Variants in ULK4 observed in about 807,000 individuals in gnomAD.
ULK4 encodes inactive serine/threonine-protein kinase ULK4.
A neutral mutation model predicts 160.6 loss-of-function variants in ULK4; 133 were observed. The ratio of observed to expected loss-of-function variants is 0.83; its 90% CI spans 0.72 to 0.96. ULK4 has a LOEUF of 0.96. Among genes scored for constraint, ULK4 ranks in the 40% least tolerant of loss-of-function variants. The pLI is 0.00. For synonymous variants in ULK4, 534 were observed against 539.8 expected (o/e 0.99, Z 0.15); for missense variants, 1,580 against 1,499.5 (o/e 1.05, Z -0.89).
intron 21 of ULK4, among the ~76,000 whole-genome samples, chr3:41,761,397 C>CTA (rs202103828): frequency 0.029 from 4,288 of 148,192 alleles, 200 homozygotes; most frequent in African/African-American, 0.1. Context: ...ATTATACATG[C>CTA]TATATATATA....
intron 27 of ULK4, among the ~76,000 whole-genome samples, chr3:41,700,046 A>G (rs752185823): frequency 2.0e-5 from 3 of 152,226 alleles, no homozygotes; most frequent in Non-Finnish European, 4.4e-5. Flanking sequence ...ATCTTATTTG[A>G]TGACTTGGAA....
At chr3:41,822,080 T>C (rs574114731) in intron 18 of ULK4, among the ~76,000 whole-genome samples, 1 of 152,196 alleles carries the variant, frequency 6.6e-6, no homozygotes, top group Non-Finnish European at 1.5e-5. Flanking sequence ...AGAATTATCT[T>C]TTTGGCATGC....
intron 27 of ULK4, among the ~76,000 whole-genome samples, chr3:41,704,177 C>T (rs1263647974): frequency 6.6e-6 from 1 of 152,098 alleles, no homozygotes; most frequent in Non-Finnish European, 1.5e-5. Flanking sequence ...TGTGGATGCC[C>T]ACATAATTTG....
intron 32 of ULK4, among the ~76,000 whole-genome samples, chr3:41,473,704 T>G (rs2084058646): frequency 6.9e-6 from 1 of 145,474 alleles, no homozygotes; most frequent in South Asian, 2.2e-4. Context: ...ATAAATACAG[T>G]TAAATTTAAC....
intron 32 of ULK4, among the ~76,000 whole-genome samples, chr3:41,517,026 TAAG>T (rs1357899347): frequency 6.6e-6 from 1 of 151,876 alleles, no homozygotes; most frequent in Non-Finnish European, 1.5e-5. Flanking sequence ...AGCTCAAAAA[TAAG>T]AAAACAAACC....
chr3:41,429,566 G>A (rs2082856225), intron 34 of ULK4, among the ~76,000 whole-genome samples: 1 of 152,146 alleles, frequency 6.6e-6, no homozygotes, highest in Non-Finnish European at 1.5e-5. Context: ...GCCATAAAAA[G>A]GAATGAGATC....
intron 35 of ULK4, among the ~76,000 whole-genome samples, chr3:41,376,445 C>A (rs1250636956): frequency 3.3e-5 from 5 of 150,220 alleles, no homozygotes; most frequent in Non-Finnish European, 1.5e-5. Flanking sequence ...TCCCTCTTTG[C>A]AGACGACATG....
At chr3:41,249,650 A>G in intron 35 of ULK4, 76 bp from the exon 36 acceptor site, 1 of 1,459,386 alleles carries the variant, frequency 6.9e-7, no homozygotes, top group Admixed American at 1.9e-5. Context: ...GGGCACCCTG[A>G]GTATCAGGCC....
At chr3:41,767,209 C>G (rs2039196067) in intron 21 of ULK4, among the ~76,000 whole-genome samples, 1 of 152,078 alleles carries the variant, frequency 6.6e-6, no homozygotes, top group Admixed American at 6.6e-5. Context: ...AAAGTTGAAG[C>G]ATGTTAATTT....
intron 16 of ULK4, among the ~76,000 whole-genome samples, chr3:41,893,198 A>G (rs1236729370): frequency 6.6e-6 from 1 of 152,240 alleles, no homozygotes; most frequent in Admixed American, 6.5e-5. Flanking sequence ...ATGATGAAAA[A>G]GTTTTGGAAA....
Position 41,246,659 on chromosome 3 carries a change from A to T in ULK4, c.*270T>A, listed in dbSNP as rs995481104. 9.1e-6 allele frequency: 4 copies of T among 438,024 alleles called. No individual in the cohort carries two copies. Among genetic ancestry groups the T allele is most frequent in the Non-Finnish European group, 1.7e-5 (4 of 239,464 alleles). The allele number at this position is 438,024 out of a possible 1,614,324, so 27.1% of individuals were successfully genotyped here. On this transcript the variant is annotated 3_prime_UTR_variant, in exon 37 of 37. Coordinates refer to ENST00000301831, the MANE Select transcript of ULK4 (RefSeq NM_017886.4). ...GTGCTAACCTTAGCCCACCTGGCCCACACAGAGAGGGAAAGAACATTTCTG... is the reference window on the plus strand; with the variant it reads ...GTGCTAACCTTAGCCCACCTGGCCCTCACAGAGAGGGAAAGAACATTTCTG...
Position 41,435,784 on chromosome 3 carries a change from C to T in ULK4, c.3492+19713G>A. ...CAACATAGTGAAACCCTATCTCTAC[C>T]AAAAATATAAAAATTAGCTGGGCAT... is the stretch of plus-strand genomic sequence containing the variant. On this transcript the variant is annotated intron_variant, in intron 34 of 36. Coordinates refer to ENST00000301831, the MANE Select transcript of ULK4 (RefSeq NM_017886.4). Among the ~76,000 whole-genome samples, 4 of 151,870 alleles carry T rather than the reference C, an allele frequency of 2.6e-5. No individual in the cohort carries two copies. In the East Asian group the frequency reaches 5.8e-4, roughly 22 times the overall value.
chr3:41,309,848 C>T (rs2080016052), intron 35 of ULK4, among the ~76,000 whole-genome samples: 1 of 149,986 alleles, frequency 6.7e-6, no homozygotes, highest in Non-Finnish European at 1.5e-5. Context: ...AAATAATAAG[C>T]AAATGAATTT....
Position 41,249,902 on chromosome 3 carries a change from G to A in ULK4, c.3679-328C>T, listed in dbSNP as rs548487116. ...TGGGAACCTGAACTTTCCAATTAAA[G>A]CAAAACTACTTTTTCTGTGCTGGGA... is the stretch of plus-strand genomic sequence containing the variant. On this transcript the variant is annotated intron_variant, in intron 35 of 36. Coordinates refer to ENST00000301831, the MANE Select transcript of ULK4 (RefSeq NM_017886.4). Among the ~76,000 whole-genome samples the A allele has an allele frequency of 2.6e-3, 403 of 152,288 alleles. 1 individual carries two copies. Among genetic ancestry groups the A allele is most frequent in the African/African-American group, 9.3e-3 (385 of 41,564 alleles).
At chr3:41,368,034 T>C (rs1455938268) in intron 35 of ULK4, among the ~76,000 whole-genome samples, 1 of 151,990 alleles carries the variant, frequency 6.6e-6, no homozygotes, top group Non-Finnish European at 1.5e-5. Context: ...TCACTATATA[T>C]TCCATTTTGT....
intron 18 of ULK4, among the ~76,000 whole-genome samples, chr3:41,831,613 G>A (rs2041593120): frequency 6.6e-6 from 1 of 151,512 alleles, no homozygotes; most frequent in Non-Finnish European, 1.5e-5. Flanking sequence ...ACGTGTGCCA[G>A]AGTGGTTTGT....
chr3:41,279,245 A>C (rs2079295023), intron 35 of ULK4, among the ~76,000 whole-genome samples: 1 of 140,018 alleles, frequency 7.1e-6, no homozygotes, highest in Admixed American at 7.2e-5. Context: ...AAGATTAGAG[A>C]AAAAAAGAGT....
chr3:41,305,018 C>T (rs2079877669), intron 35 of ULK4, among the ~76,000 whole-genome samples: 1 of 152,148 alleles, frequency 6.6e-6, no homozygotes, highest in South Asian at 2.1e-4. Context: ...ACACACTGGG[C>T]CACCAAAATG....
chr3:41,341,732 C>T (rs1044306554), intron 35 of ULK4, among the ~76,000 whole-genome samples: 3 of 152,144 alleles, frequency 2.0e-5, no homozygotes, highest in African/African-American at 7.2e-5. Flanking sequence ...GTCCTACAGG[C>T]TCCAAACCAG....
Sources: gnomAD v4.1 joint callset for allele counts (sites outside exome capture counted in the v4.1 genomes callset) on GRCh38, gnomAD v4.1.1 for gene constraint, MANE v1.5 for transcripts, NCBI Gene and HGNC (gene_info 2026-07-23, HGNC 2026-07-21) for gene names.